DEUP1: variants seen among roughly 807,000 people sequenced by gnomAD.
The protein encoded by DEUP1 is deuterosome assembly protein 1.
A neutral mutation model predicts 87.4 loss-of-function variants in DEUP1; 82 were observed. The ratio of observed to expected loss-of-function variants is 0.94; its 90% CI spans 0.78 to 1.13. The LOEUF is 1.13. DEUP1 is among the 50% of genes most tolerant of loss of function. DEUP1 has a pLI of 0.00. For missense variants in DEUP1, 663 were observed against 681.5 expected, an observed-to-expected ratio of 0.97 and a Z score of 0.30; for synonymous variants, 214 against 222.7, an observed-to-expected ratio of 0.96 and a Z score of 0.35.
At chr11:93,435,004 T>A (rs997416696) in intron 13 of DEUP1, among the ~76,000 whole-genome samples, 2 of 152,144 alleles carry the variant, frequency 1.3e-5, no homozygotes, top group African/African-American at 4.8e-5. Flanking sequence ...GTGGATACCA[T>A]GGTCGTGCCC....
chr11:93,391,400 T>C (rs951017582), intron 9 of DEUP1, among the ~76,000 whole-genome samples: 4 of 152,000 alleles, frequency 2.6e-5, no homozygotes, highest in Admixed American at 2.6e-4. Context: ...AGTATATTCA[T>C]TTTTTTATAT....
intron 7 of DEUP1, among the ~76,000 whole-genome samples, chr11:93,380,070 C>T (rs144855176): frequency 2.8e-4 from 42 of 152,258 alleles, no homozygotes; most frequent in Non-Finnish European, 3.8e-4. Flanking sequence ...TGTTTGGTCA[C>T]CACAACAAGG....
At chr11:93,407,279 T>C (rs1053455051) in intron 11 of DEUP1, among the ~76,000 whole-genome samples, 3 of 152,140 alleles carry the variant, frequency 2.0e-5, no homozygotes, top group Admixed American at 6.5e-5. Context: ...ATTTCTATGT[T>C]TAGGTATGTT....
At chr11:93,437,394 C>T in intron 13 of DEUP1, 149 bp from the exon 14 acceptor site, 3 of 596,784 alleles carry the variant, frequency 5.0e-6, no homozygotes, top group South Asian at 2.3e-5. Context: ...AACTGAATTA[C>T]ACTAGTAGTG....
At chr11:93,348,237 C>T (rs1944454823) in intron 2 of DEUP1, among the ~76,000 whole-genome samples, 1 of 151,870 alleles carries the variant, frequency 6.6e-6, no homozygotes, top group Non-Finnish European at 1.5e-5. Context: ...TCTCTCTTTT[C>T]TTCTTTGTCT....
chr11:93,358,737 CA>C (rs1241545143), intron 4 of DEUP1, among the ~76,000 whole-genome samples: 5 of 152,142 alleles, frequency 3.3e-5, no homozygotes. Flanking sequence ...TGCGCACCGC[CA>C]CACCCAGCTA....
At chr11:93,390,823 C>T (rs1341017339) in intron 9 of DEUP1, among the ~76,000 whole-genome samples, 1 of 152,120 alleles carries the variant, frequency 6.6e-6, no homozygotes, top group Non-Finnish European at 1.5e-5. Context: ...GTGGCTCACA[C>T]CTGTAATTCC....
chr11:93,434,425 G>A (rs1948183453), intron 13 of DEUP1, among the ~76,000 whole-genome samples: 1 of 152,194 alleles, frequency 6.6e-6, no homozygotes, highest in African/African-American at 2.4e-5. Context: ...AATTGGGCAT[G>A]AGAGTACCAA....
chr11:93,334,425 C>G (rs1943644892), intron 2 of DEUP1, among the ~76,000 whole-genome samples: 1 of 152,164 alleles, frequency 6.6e-6, no homozygotes, highest in South Asian at 2.1e-4. Flanking sequence ...AACTTCTTCT[C>G]AAGGGGCTTA....
chr11:93,355,736 A>G (rs1477761953), intron 3 of DEUP1, among the ~76,000 whole-genome samples, 194 bp downstream of exon 3: 1 of 152,214 alleles, frequency 6.6e-6, no homozygotes, highest in Non-Finnish European at 1.5e-5. Flanking sequence ...AAATCCATAG[A>G]TGTTTGCTGA....
chr11:93,342,488 G>A (rs948395967), intron 2 of DEUP1, among the ~76,000 whole-genome samples: 1 of 152,170 alleles, frequency 6.6e-6, no homozygotes, highest in Non-Finnish European at 1.5e-5. Context: ...AGGAAACCAG[G>A]CATGTGTCCT....
chr11:93,416,504 C>A (rs1284493555), intron 13 of DEUP1, among the ~76,000 whole-genome samples: 11 of 151,940 alleles, frequency 7.2e-5, no homozygotes, highest in Admixed American at 7.2e-4. Context: ...CTGAATAGAC[C>A]AATAACAGGA....
At chr11:93,398,847 A>G (rs1465224929) in intron 11 of DEUP1, among the ~76,000 whole-genome samples, 1 of 151,804 alleles carries the variant, frequency 6.6e-6, no homozygotes, top group African/African-American at 2.4e-5. Flanking sequence ...CAGCCTCCCA[A>G]GCAGCTGGGA....
chr11:93,377,877 G>A (rs550667434), intron 7 of DEUP1, among the ~76,000 whole-genome samples: 2 of 152,196 alleles, frequency 1.3e-5, no homozygotes, highest in South Asian at 4.2e-4. Context: ...AGTTTCACTG[G>A]ATACAAAATT....
intron 11 of DEUP1, among the ~76,000 whole-genome samples, chr11:93,399,697 A>G (rs1161150364): frequency 6.6e-6 from 1 of 151,850 alleles, no homozygotes; most frequent in Non-Finnish European, 1.5e-5. Flanking sequence ...AAAAATACAA[A>G]TTATCTTATT....
At chr11:93,336,401 C>CA (rs35025970) in intron 2 of DEUP1, among the ~76,000 whole-genome samples, 50,713 of 152,026 alleles carry the variant, frequency 0.33, 8,875 homozygotes, top group Non-Finnish European at 0.4. Context: ...GACACAGAGC[C>CA]AACCATATCA....
chr11:93,347,724 T>TTGGG (rs1944424220), intron 2 of DEUP1, among the ~76,000 whole-genome samples: 1 of 151,918 alleles, frequency 6.6e-6, no homozygotes, highest in Non-Finnish European at 1.5e-5. Context: ...TTCAGTTTTT[T>TTGGG]GGGGGGGTTT....
chr11:93,387,962 C>T (rs1046422791), intron 8 of DEUP1, among the ~76,000 whole-genome samples: 2 of 151,970 alleles, frequency 1.3e-5, no homozygotes, highest in African/African-American at 4.8e-5. Context: ...CATAAAAATG[C>T]TAATGATGGT....
intron 13 of DEUP1, among the ~76,000 whole-genome samples, chr11:93,431,095 C>CAAAAAAA (rs10534401): frequency 2.7e-5 from 3 of 112,628 alleles, no homozygotes; most frequent in African/African-American, 1.0e-4. Flanking sequence ...AACACTGTCT[C>CAAAAAAA]AAAAAAAAAA....
Sources: gnomAD v4.1 joint callset for allele counts (sites outside exome capture counted in the v4.1 genomes callset) on GRCh38, gnomAD v4.1.1 for gene constraint, MANE v1.5 for transcripts, NCBI Gene and HGNC (gene_info 2026-07-23, HGNC 2026-07-21) for gene names.